Variants in XXYLT1 observed in about 807,000 individuals in gnomAD.
XXYLT1 encodes the protein UDP-xylose:alpha-xyloside alpha-1,3-xylosyltransferase.
A neutral mutation model predicts 28.9 loss-of-function variants in XXYLT1; 20 were observed. The observed-to-expected ratio is 0.69, with a 90% confidence interval of 0.49 to 1.00. XXYLT1 has a LOEUF of 1.00. XXYLT1 is among the 50% of genes least tolerant of loss of function. The pLI, the probability that XXYLT1 is intolerant of heterozygous loss-of-function variation, is 0.00. For missense variants in XXYLT1, 542 were observed against 560.1 expected (o/e 0.97, Z 0.33); for synonymous variants, 257 against 253.8 (o/e 1.01, Z -0.12).
rs1560153972 is a variant in XXYLT1 at position 195,210,647 on chromosome 3, G to T, written c.652+16062C>A. ...TCTGGCATTAAATTAGTAGAAAATG[G>T]TCTCTACCACGTTACTATTTTTAGC... On this transcript the variant is annotated intron_variant, in intron 2 of 3. Transcript: ENST00000310380. This position sits in a 1 kb window ranked among gnomAD's most constrained non-coding sequence, Gnocchi z 4.8. Among the ~76,000 whole-genome samples the T allele has an allele frequency of 6.6e-6, 1 of 152,144 alleles. No individual in the cohort carries two copies. Among genetic ancestry groups the T allele is most frequent in the Non-Finnish European group, 1.5e-5 (1 of 68,026 alleles).
At chr3:195,101,968 C>CGTG (rs1716805851) in intron 3 of XXYLT1, among the ~76,000 whole-genome samples, 1 of 14,792 alleles carries the variant, frequency 6.8e-5, no homozygotes, top group Non-Finnish European at 1.4e-4. Context: ...GGGGAGGGGA[C>CGTG]GGGGGAGGGA....
intron 3 of XXYLT1, among the ~76,000 whole-genome samples, chr3:195,091,333 T>C (rs1173301176): frequency 8.2e-6 from 1 of 121,726 alleles, no homozygotes; most frequent in Non-Finnish European, 1.6e-5. Flanking sequence ...TTCACCATGA[T>C]CAAGTGGGCT....
chr3:195,204,021 G>T (rs1055050840), intron 2 of XXYLT1, among the ~76,000 whole-genome samples: 1 of 152,200 alleles, frequency 6.6e-6, no homozygotes, highest in African/African-American at 2.4e-5. Flanking sequence ...TTCTAATAGA[G>T]CTTAGAATTC....
chr3:195,125,872 C>G (rs1056685753), intron 3 of XXYLT1, among the ~76,000 whole-genome samples: 1 of 152,162 alleles, frequency 6.6e-6, no homozygotes, highest in African/African-American at 2.4e-5. Context: ...ATCCACCTCC[C>G]GCAGCAGCCA....
intron 2 of XXYLT1, among the ~76,000 whole-genome samples, chr3:195,201,675 T>C (rs56676442): frequency 0.019 from 2,924 of 152,272 alleles, 92 homozygotes; most frequent in African/African-American, 0.064. Context: ...CTGGCCCCTC[T>C]AGACCCAACT....
At chr3:195,266,121 G>A (rs1428482790) in intron 1 of XXYLT1, among the ~76,000 whole-genome samples, 2 of 152,172 alleles carry the variant, frequency 1.3e-5, no homozygotes, top group Non-Finnish European at 2.9e-5. Flanking sequence ...AGCCACTGCT[G>A]TGGGTCTAGG....
In XXYLT1 at chr3:195,210,160, C is replaced by T. The variant is rs184413138; in HGVS notation, c.652+16549G>A. 2.1e-3 allele frequency among the ~76,000 whole-genome samples: 314 copies of T among 152,350 alleles called. 1 individual carries two copies. The highest frequency in any genetic ancestry group is 3.9e-3 in the Non-Finnish European group (265 of 68,040). On this transcript the variant is annotated intron_variant, in intron 2 of 3. Transcript: ENST00000310380. The surrounding 1 kb of genome is among the most constrained non-coding windows in gnomAD (Gnocchi z 4.8). ...CCCAAGCCTTCAAGGCTAACCTCTC[C>T]TCATCCTCCTCAAAGCTTCCTCTCT...
chr3:195,101,912 G>A (rs578118990), intron 3 of XXYLT1, among the ~76,000 whole-genome samples: 89 of 130,166 alleles, frequency 6.8e-4, no homozygotes, highest in African/African-American at 2.5e-3. Context: ...CGGAGGAAAG[G>A]AGGAAAGGAG....
rs909228210 is a variant in XXYLT1, at chr3:195,184,869, A to C, written c.653-28288T>G. On this transcript the variant is annotated intron_variant, in intron 2 of 3. Coordinates refer to ENST00000310380, the MANE Select transcript of XXYLT1 (RefSeq NM_152531.5). ...CATCTTTACCAATAAAATGGTCTAC[A>C]TTCAAATGGTAAGTTTGATCCCCGC... 4 of 964,776 alleles carry C rather than the reference A, an allele frequency of 4.1e-6. No homozygotes were observed. In the African/African-American group the frequency reaches 7.0e-5, roughly 17 times the overall value. The allele number at this position is 964,776 out of a possible 1,614,324, so 59.8% of individuals were successfully genotyped here. A position where few individuals can be genotyped will look rare whatever the true frequency, so the allele number is the denominator to read the frequency against.
rs959701797 is a variant in XXYLT1, at chr3:195,098,671, G to A, written c.786-28560C>T. On this transcript the variant is annotated intron_variant, in intron 3 of 3. Coordinates refer to ENST00000310380, the MANE Select transcript of XXYLT1 (RefSeq NM_152531.5). ...CGGGCCTTGATGCTGTCAAGGTCTC[G>A]GGAGCCCTCCTCGCTGCGCTGGCCC... Among the ~76,000 whole-genome samples the A allele has an allele frequency of 3.9e-5, 6 of 152,250 alleles. 1 individual carries two copies. Among genetic ancestry groups the A allele is most frequent in the South Asian group, 4.1e-4 (2 of 4,834 alleles).
chr3:195,172,913 G>A (rs1721480779), intron 2 of XXYLT1, among the ~76,000 whole-genome samples: 1 of 152,204 alleles, frequency 6.6e-6, no homozygotes, highest in Non-Finnish European at 1.5e-5. Flanking sequence ...CAGTGGAGTT[G>A]GAGCATGGGT....
At chr3:195,208,978 A>C (rs1723192799) in intron 2 of XXYLT1, among the ~76,000 whole-genome samples, 1 of 152,236 alleles carries the variant, frequency 6.6e-6, no homozygotes, top group Non-Finnish European at 1.5e-5. Context: ...TCTGTGATTA[A>C]GGACTATGAC....
chr3:195,072,502 AGAG>A (rs1424647395), intron 3 of XXYLT1, among the ~76,000 whole-genome samples: 1 of 152,166 alleles, frequency 6.6e-6, no homozygotes, highest in Non-Finnish European at 1.5e-5. Flanking sequence ...GGCAGAGAGA[AGAG>A]GACAGAATAT....
At chr3:195,111,420 G>C (rs1159694189) in intron 3 of XXYLT1, among the ~76,000 whole-genome samples, 1 of 152,124 alleles carries the variant, frequency 6.6e-6, no homozygotes, top group African/African-American at 2.4e-5. Context: ...GCAGAGAGGG[G>C]AGATGGGGAG....
Position 195,270,840 on chromosome 3 carries a change from T to TGG in XXYLT1, c.218_219insCC (p.Ala74GlnfsTer30). On this transcript the variant is annotated frameshift_variant, in exon 1 of 4. Coordinates refer to ENST00000310380, the MANE Select transcript of XXYLT1 (RefSeq NM_152531.5). LOFTEE classifies it high-confidence loss of function. The stretch of plus-strand genomic sequence containing the variant: ...GGGCTGGCGCCACGGAGCCCCGCGC[T>TGG]AGCTCCAGCGCGGGCGGCGAGGGCG... The TGG allele has an allele frequency of 6.9e-7, 1 of 1,450,218 alleles. No homozygotes were observed. 89.8% of individuals were successfully genotyped at this position (1,450,218 alleles called of 1,614,324 possible).
chr3:195,075,334 T>A (rs546776062), intron 3 of XXYLT1, among the ~76,000 whole-genome samples: 8 of 152,364 alleles, frequency 5.3e-5, no homozygotes, highest in Admixed American at 3.3e-4. Context: ...AGCCACGGTC[T>A]ACCAGAGCCT....
chr3:195,185,145 GGAAGGAAA>G (rs1722138402), intron 2 of XXYLT1, among the ~76,000 whole-genome samples: 1 of 131,340 alleles, frequency 7.6e-6, no homozygotes, highest in Admixed American at 7.5e-5. Flanking sequence ...AAGGAAGGAA[GGAAGGAAA>G]AAAGAAAAAG....
Position 195,109,353 on chromosome 3 carries a change from G to A in XXYLT1, c.786-39242C>T, listed in dbSNP as rs117168869. Among the ~76,000 whole-genome samples, 531 of 152,042 alleles carry A rather than the reference G, an allele frequency of 3.5e-3. 3 individuals are homozygous for A. The highest frequency in any genetic ancestry group is 0.019 in the East Asian group (97 of 5,162). ...GCCAGCAGCGTGTGTGTGCGTGTATGGTGTGTCTGTGTGTGGCATGTGTGT... is the reference window on the plus strand; with the variant it reads ...GCCAGCAGCGTGTGTGTGCGTGTATAGTGTGTCTGTGTGTGGCATGTGTGT... On this transcript the variant is annotated intron_variant, in intron 3 of 3. Transcript: ENST00000310380.
chr3:195,260,561 G>A (rs1418821889), intron 1 of XXYLT1, among the ~76,000 whole-genome samples: 1 of 152,256 alleles, frequency 6.6e-6, no homozygotes, highest in East Asian at 1.9e-4. Context: ...ACATCCAGGA[G>A]GAGACAAGGA....
Sources: gnomAD v4.1 joint callset for allele counts (sites outside exome capture counted in the v4.1 genomes callset) on GRCh38, gnomAD v4.1.1 for gene constraint, Gnocchi (gnomAD v3.1) non-coding constraint, MANE v1.5 for transcripts, NCBI Gene and HGNC (gene_info 2026-07-23, HGNC 2026-07-21) for gene names.